The following GRHL1 variants were observed in gnomAD, a reference collection of about 807,000 sequenced individuals.
GRHL1 encodes grainyhead-like protein 1 homolog.
GRHL1 carries 38 observed loss-of-function variants against 75.7 expected under a neutral mutation model. The observed-to-expected ratio is 0.50, with a 90% CI of 0.39 to 0.66. The LOEUF (loss-of-function observed/expected upper bound fraction) is 0.66. Among genes scored for constraint, GRHL1 ranks in the 30% least tolerant of loss-of-function variants. The pLI is 0.00. For missense variants in GRHL1, 589 were observed against 767.5 expected (o/e 0.77, Z 2.75); for synonymous variants, 266 against 279.4 (o/e 0.95, Z 0.48).
In GRHL1 at chr2:9,965,335, C is replaced by T. The variant is rs1222922976; in HGVS notation, c.1064C>T (p.Ala355Val). 3 of 1,611,468 alleles carry T rather than the reference C, an allele frequency of 1.9e-6. No individual in the cohort carries two copies. The highest frequency in any genetic ancestry group is 2.5e-6 in the Non-Finnish European group (3 of 1,177,738). The change falls in exon 8 of 16, where the codon GCG becomes GTG. Residue 355 changes from alanine to valine, a missense_variant. Around this residue, in one of 5 missense-constraint regions of GRHL1, gnomAD observed 362 missense variants for 461.8 expected, o/e 0.78. Coordinates refer to ENST00000324907, the MANE Select transcript of GRHL1 (RefSeq NM_198182.3). ...ACTATCAGTAACATCGAGGAGATTG[C>T]GTATAACGCCATTTCCTTCACATGG... ...FNTISNIEEI[A>V]YNAISFTWDI...
chr2:9,987,224 T>C lies in GRHL1; in HGVS notation c.1269+942T>C, dbSNP rs947994483. ...CTGGCCTCATGTGATGCGCCCACTTTGGCTTCCCAAAGTGCTGGGATTACA... is the reference window on the plus strand; with the variant it reads ...CTGGCCTCATGTGATGCGCCCACTTCGGCTTCCCAAAGTGCTGGGATTACA... On this transcript the variant is annotated intron_variant, in intron 9 of 15. Coordinates refer to ENST00000324907, the MANE Select transcript of GRHL1 (RefSeq NM_198182.3). This position sits in a 1 kb window ranked among gnomAD's most constrained non-coding sequence, Gnocchi z 4.2. 6.6e-6 allele frequency among the ~76,000 whole-genome samples: 1 copy of C among 151,928 alleles called. No individual in the cohort carries two copies. Among genetic ancestry groups the C allele is most frequent in the African/African-American group, 2.4e-5 (1 of 41,368 alleles).
intron 2 of GRHL1, among the ~76,000 whole-genome samples, chr2:9,958,217 G>A (rs1330158561): frequency 7.2e-5 from 10 of 139,264 alleles, no homozygotes; most frequent in South Asian, 4.4e-4. Flanking sequence ...TTGCTCTATC[G>A]CCCAGGCCAG....
chr2:9,990,705 C>T lies in GRHL1; in HGVS notation c.1279C>T (p.Arg427Trp), dbSNP rs754324764. The change falls in exon 10 of 16, where the codon CGG (arginine) becomes TGG (tryptophan). Residue 427 changes from arginine (R) to tryptophan (W), a missense_variant. Coordinates refer to ENST00000324907, the MANE Select transcript of GRHL1 (RefSeq NM_198182.3). This position sits in a 1 kb window ranked among gnomAD's most constrained non-coding sequence, Gnocchi z 4.2. The part of the protein sequence containing the change: ...IKVFCDKGAE[R>W]KIRDEERKQS... ...TTCTCTTAACCTACAGGGAGCTGAG[C>T]GGAAAATCAGGGATGAAGAACGAAA... The T allele has an allele frequency of 6.2e-7, 1 of 1,608,208 alleles. No homozygotes were observed. Among genetic ancestry groups the T allele is most frequent in the Non-Finnish European group, 8.5e-7 (1 of 1,175,628 alleles).
intron 2 of GRHL1, among the ~76,000 whole-genome samples, chr2:9,958,420 T>C (rs1174086268): frequency 6.6e-6 from 1 of 152,192 alleles, no homozygotes; most frequent in East Asian, 1.9e-4. Flanking sequence ...GCTCAAACAA[T>C]CCTCCCACCT....
intron 10 of GRHL1, among the ~76,000 whole-genome samples, chr2:9,991,795 G>C (rs1195504159): frequency 6.6e-6 from 1 of 152,140 alleles, no homozygotes; most frequent in Admixed American, 6.5e-5. Context: ...CTTTTGATTT[G>C]ATAAGACATT....
At position 9,992,366 on chromosome 2, in the gene GRHL1, G is replaced by C. The variant is rs1213872024; in HGVS notation, c.1461+220G>C. 2.0e-5 allele frequency among the ~76,000 whole-genome samples: 3 copies of C among 152,144 alleles called. No individual in the cohort carries two copies. The highest frequency in any genetic ancestry group is 7.2e-5 in the African/African-American group (3 of 41,424). On this transcript the variant is annotated intron_variant, in intron 11 of 15. Coordinates refer to ENST00000324907, the MANE Select transcript of GRHL1 (RefSeq NM_198182.3). The surrounding 1 kb of genome is among the most constrained non-coding windows in gnomAD (Gnocchi z 4.6). ...CAGTGCAGCCTGTCAGCTTTATTCT[G>C]TTTGTATTCATTCATTCATTCGTTC...
intron 8 of GRHL1, among the ~76,000 whole-genome samples, chr2:9,975,318 T>C (rs1376865607): frequency 2.0e-5 from 3 of 152,190 alleles, no homozygotes; most frequent in Admixed American, 1.3e-4. Flanking sequence ...GAGATAGCAA[T>C]TGAAAACTAA....
intron 12 of GRHL1, among the ~76,000 whole-genome samples, chr2:9,994,081 G>A (rs906848001): frequency 6.6e-6 from 1 of 152,078 alleles, no homozygotes; most frequent in East Asian, 1.9e-4. Context: ...CCCCTCTTTG[G>A]GCTATCAGAA....
At chr2:9,998,295 T>A (rs1668962448) in intron 14 of GRHL1, among the ~76,000 whole-genome samples, 1 of 150,954 alleles carries the variant, frequency 6.6e-6, no homozygotes, top group Non-Finnish European at 1.5e-5. Flanking sequence ...CAGCCACAGC[T>A]CCCCAGAAGC....
chr2:9,955,952 C>T (rs927555189), intron 2 of GRHL1, among the ~76,000 whole-genome samples: 11 of 152,344 alleles, frequency 7.2e-5, no homozygotes, highest in Middle Eastern at 6.8e-3. Flanking sequence ...AGCTTTGCCA[C>T]AGGGCCTTTG....
In GRHL1 at chr2:9,961,326, G is replaced by T. The variant is rs773330664; in HGVS notation, c.559G>T (p.Asp187Tyr). 17 of 1,614,040 alleles carry T rather than the reference G, an allele frequency of 1.1e-5. No homozygotes were observed. Among genetic ancestry groups the T allele is most frequent in the Non-Finnish European group, 4.2e-6 (5 of 1,180,028 alleles). ...GCCCACTGAGCGGGTGGTGGTTTTC[G>T]ATCGGAATCTCAATACTGACCAGTT... ...PEPTERVVVF[D>Y]RNLNTDQFSS... The change falls in exon 4 of 16, where the codon GAT (aspartate) becomes TAT (tyrosine). Residue 187 changes from aspartate (D) to tyrosine (Y), a missense_variant. Transcript: ENST00000324907.
intron 1 of GRHL1, among the ~76,000 whole-genome samples, chr2:9,952,360 G>C (rs1666826767): frequency 1.3e-5 from 2 of 152,348 alleles, no homozygotes; most frequent in South Asian, 4.1e-4. Context: ...GAAATGTAGG[G>C]AAAGGTTGAA....
chr2:9,972,819 G>A (rs185552256), intron 8 of GRHL1, among the ~76,000 whole-genome samples: 1 of 152,300 alleles, frequency 6.6e-6, no homozygotes, highest in African/African-American at 2.4e-5. Context: ...ACCAGCTCCT[G>A]CTTACAGGAC....
At chr2:9,954,732 C>A in intron 1 of GRHL1, 183 bp from the exon 2 acceptor site, 1 of 647,548 alleles carries the variant, frequency 1.5e-6, no homozygotes, top group South Asian at 1.7e-5. Flanking sequence ...TACTTTATGT[C>A]TTACTGTGGG....
Position 9,992,293 on chromosome 2 carries a change from C to A in GRHL1, c.1461+147C>A. ...TCTTTGGAATATTCTGCTGGGGTGACATGATGCCCGTGCAATAAAAATGGT... is the reference window on the plus strand; with the variant it reads ...TCTTTGGAATATTCTGCTGGGGTGAAATGATGCCCGTGCAATAAAAATGGT... On this transcript the variant is annotated intron_variant, in intron 11 of 15. Transcript: ENST00000324907. The surrounding 1 kb of genome is among the most constrained non-coding windows in gnomAD (Gnocchi z 4.6). The A allele has an allele frequency of 1.5e-6, 1 of 671,302 alleles. No individual in the cohort carries two copies. The highest frequency in any genetic ancestry group is 2.5e-6 in the Non-Finnish European group (1 of 399,730). 41.6% of individuals were successfully genotyped at this position (671,302 alleles called of 1,614,324 possible).
chr2:9,988,528 G>A (rs907239591), intron 9 of GRHL1, among the ~76,000 whole-genome samples: 1 of 152,058 alleles, frequency 6.6e-6, no homozygotes, highest in African/African-American at 2.4e-5. Flanking sequence ...ACCCGGCCAC[G>A]TACTGGAGTG....
chr2:9,974,915 A>C (rs1299772210), intron 8 of GRHL1, among the ~76,000 whole-genome samples: 1 of 152,230 alleles, frequency 6.6e-6, no homozygotes, highest in African/African-American at 2.4e-5. Flanking sequence ...GTGAGGGTAA[A>C]AACATGCTCT....
At chr2:9,969,548 TTA>T (rs567622798) in intron 8 of GRHL1, among the ~76,000 whole-genome samples, 5 of 152,316 alleles carry the variant, frequency 3.3e-5, no homozygotes, top group Admixed American at 3.3e-4. Flanking sequence ...AAGAAATAAT[TTA>T]TGTTGGATTA....
intron 1 of GRHL1, chr2:9,952,996 G>T (rs1363192103): frequency 4.4e-6 from 2 of 456,722 alleles, no homozygotes; most frequent in East Asian, 1.4e-4. Context: ...AAGTGATGAT[G>T]AGCCTTCGGC....
Sources: gnomAD v4.1 joint callset for allele counts (sites outside exome capture counted in the v4.1 genomes callset) on GRCh38, gnomAD v4.1.1 for gene constraint, gnomAD v4.1.1 regional missense constraint, Gnocchi (gnomAD v3.1) non-coding constraint, MANE v1.5 for transcripts, NCBI Gene and HGNC (gene_info 2026-07-23, HGNC 2026-07-21) for gene names.